The following TUT1 variants were observed in gnomAD, a reference collection of about 807,000 sequenced individuals.
The protein encoded by TUT1 is terminal uridylyl transferase 1, U6 snRNA-specific.
Under a neutral mutation model 48.8 loss-of-function variants are expected in TUT1, and 26 were observed. The observed-to-expected ratio is 0.53, with a 90% CI of 0.39 to 0.74. The LOEUF is 0.74. Ranked by LOEUF, TUT1 falls within the 30% of genes least tolerant of loss-of-function variation. The pLI, the probability that TUT1 is intolerant of heterozygous loss-of-function variation, is 0.00. For synonymous variants in TUT1, 470 were observed against 460.8 expected (o/e 1.02, Z -0.26); for missense variants, 1,065 against 1,114.8 (o/e 0.96, Z 0.64).
chr11:62,576,119 G>C lies in TUT1; in HGVS notation c.1600C>G (p.Leu534Val). ...GGLPSNLWEGLRLGPLNLQDP... is the reference protein window; with the variant it reads ...GGLPSNLWEGVRLGPLNLQDP... Reference sequence around the variant, plus strand: ...TGGAGATTCAGGGGGCCAAGGCGCAGACCCTCCCAGAGATTAGAAGGCAGG... The same window carrying C: ...TGGAGATTCAGGGGGCCAAGGCGCACACCCTCCCAGAGATTAGAAGGCAGG... The change falls in exon 9 of 9, where the codon CTG (leucine) becomes GTG (valine). Residue 534 changes from leucine (L) to valine (V), a missense_variant. Coordinates refer to ENST00000476907, the MANE Select transcript of TUT1 (RefSeq NM_022830.3). 5 of 1,614,026 alleles carry C rather than the reference G, an allele frequency of 3.1e-6. No homozygotes were observed. The highest frequency in any genetic ancestry group is 1.3e-5 in the African/African-American group (1 of 75,066).
intron 2 of TUT1, among the ~76,000 whole-genome samples, chr11:62,587,425 C>G (rs1941938943): frequency 6.6e-6 from 1 of 152,190 alleles, no homozygotes; most frequent in Admixed American, 6.5e-5. Flanking sequence ...ACATGATCCA[C>G]CCGCCCCAGC....
intron 1 of TUT1, 121 bp downstream of exon 1, chr11:62,591,283 G>A: frequency 2.1e-6 from 3 of 1,403,796 alleles, no homozygotes; most frequent in African/African-American, 2.9e-5. Flanking sequence ...AAAAACGGAG[G>A]TGAGAGACCC....
Position 62,577,248 on chromosome 11 carries a change from G to C in TUT1, c.1204C>G (p.Leu402Val). The change falls in exon 6 of 9, where the codon CTG becomes GTG. Residue 402 changes from leucine to valine, a missense_variant. Leu to Val is a conservative substitution (Grantham distance 32, BLOSUM62 1). Coordinates refer to ENST00000476907, the MANE Select transcript of TUT1 (RefSeq NM_022830.3). ...NSRFLSLCSE[L>V]DGRVRPLVYT... ...ACGAGGGGCCGGACTCGACCATCCA[G>C]CTCAGAGCAGAGACTCAGGAAACGG... 1 of 1,612,518 alleles carries C rather than the reference G, an allele frequency of 6.2e-7. No individual in the cohort carries two copies. Among genetic ancestry groups the C allele is most frequent in the Non-Finnish European group, 8.5e-7 (1 of 1,179,558 alleles).
intron 2 of TUT1, among the ~76,000 whole-genome samples, chr11:62,583,771 C>T (rs1292081112): frequency 6.6e-6 from 1 of 152,126 alleles, no homozygotes; most frequent in African/African-American, 2.4e-5. Context: ...TAAAGATAGA[C>T]ATTCAGATGA....
At chr11:62,586,787 GC>G (rs1025635883) in intron 2 of TUT1, among the ~76,000 whole-genome samples, 6 of 151,426 alleles carry the variant, frequency 4.0e-5, no homozygotes, top group Admixed American at 1.3e-4. Context: ...GTGGTGGCAC[GC>G]GCCTGCAGTC....
Position 62,577,280 on chromosome 11 carries a change from T to C in TUT1, c.1172A>G (p.His391Arg). The change falls in exon 6 of 9, where the codon CAT becomes CGT. Residue 391 changes from histidine to arginine, a missense_variant. His to Arg is a conservative substitution (Grantham distance 29, BLOSUM62 0). Transcript: ENST00000476907. ...DVSLSNRLAL[H>R]NSRFLSLCSE... is the part of the protein sequence containing the mutation. Reference sequence around the variant, plus strand: ...GCAGAGACTCAGGAAACGGGAGTTATGCAGGGCCAGCCTGGGACAAAGCAG... The same window carrying C: ...GCAGAGACTCAGGAAACGGGAGTTACGCAGGGCCAGCCTGGGACAAAGCAG... 1 of 1,612,808 alleles carries C rather than the reference T, an allele frequency of 6.2e-7. No individual in the cohort carries two copies. The highest frequency in any genetic ancestry group is 8.5e-7 in the Non-Finnish European group (1 of 1,179,656).
chr11:62,585,884 G>A (rs542551883), intron 2 of TUT1, among the ~76,000 whole-genome samples: 92 of 152,144 alleles, frequency 6.0e-4, no homozygotes, highest in African/African-American at 2.0e-3. Flanking sequence ...CGAGGCAGGC[G>A]GATCACCTGA....
chr11:62,579,402 ATACACTAGAATACCTT>A (rs1439846707), intron 4 of TUT1, among the ~76,000 whole-genome samples: 3 of 152,188 alleles, frequency 2.0e-5, no homozygotes, highest in East Asian at 1.9e-4. Flanking sequence ...TACTGTGGTT[ATACACTAGAATACCTT>A]TACACTAGAA....
chr11:62,589,353 G>A (rs925607891), intron 1 of TUT1, 132 bp from the exon 2 acceptor site: 7 of 749,656 alleles, frequency 9.3e-6, no homozygotes, highest in Non-Finnish European at 1.5e-5. Flanking sequence ...ACAAAGTCCT[G>A]GCTCCTTTCA....
At chr11:62,582,894 C>T (rs1178985507) in intron 2 of TUT1, among the ~76,000 whole-genome samples, 1 of 151,912 alleles carries the variant, frequency 6.6e-6, no homozygotes, top group Non-Finnish European at 1.5e-5. Flanking sequence ...TTTAGGAGGC[C>T]GAGGTGGGTG....
chr11:62,579,031 C>A lies in TUT1; in HGVS notation c.691-1G>T. On this transcript the variant is annotated splice_acceptor_variant, in intron 4 of 8. Coordinates refer to ENST00000476907, the MANE Select transcript of TUT1 (RefSeq NM_022830.3). LOFTEE classifies it high-confidence loss of function. ...GAGATTCTGGAGCCTTTGGGACTGG[C>A]TGTGGACAGAAATGAACTGAGTGAA... The A allele has an allele frequency of 6.6e-7, 1 of 1,508,304 alleles. No individual in the cohort carries two copies. Among genetic ancestry groups the A allele is most frequent in the Non-Finnish European group, 8.9e-7 (1 of 1,129,478 alleles). 93.4% of individuals were successfully genotyped at this position (1,508,304 alleles called of 1,614,324 possible).
In TUT1 at chr11:62,578,739, C is replaced by T. The variant is rs201443323; in HGVS notation, c.982G>A (p.Glu328Lys). The change falls in exon 5 of 9, where the codon GAG (glutamate) becomes AAG (lysine). Residue 328 changes from glutamate (E) to lysine (K), a missense_variant. Coordinates refer to ENST00000476907, the MANE Select transcript of TUT1 (RefSeq NM_022830.3). ...GDLGKASELA[E>K]TPKEEKAEGA... ...TCTGCTTTCTCCTCCTTTGGGGTCT[C>T]TGCTAGTTCCGAGGCCTTCCCCAGG... The T allele has an allele frequency of 5.6e-6, 9 of 1,614,194 alleles. No homozygotes were observed. The highest frequency in any genetic ancestry group is 6.8e-6 in the Non-Finnish European group (8 of 1,180,044).
At chr11:62,582,047 A>C (rs1369162285) in intron 2 of TUT1, among the ~76,000 whole-genome samples, 1 of 151,492 alleles carries the variant, frequency 6.6e-6, no homozygotes. Context: ...CAGCGGGGTG[A>C]TCTCGGCTTA....
rs907432983 is a variant in TUT1, at chr11:62,575,673, C to T, written c.2046G>A (p.Gly682=). 6.2e-7 allele frequency: 1 copy of T among 1,614,072 alleles called. No individual in the cohort carries two copies. Among genetic ancestry groups the T allele is most frequent in the East Asian group, 2.2e-5 (1 of 44,882 alleles). The stretch of plus-strand genomic sequence containing the variant: ...CTTCTACCCTGTCTTCCCCACCGTC[C>T]CCTGCACATCCCTGCTGCTCCTCTT... ...EGKEEQQGCA[G]DGGEDRVEEM... Residue 682 remains glycine (G), a synonymous_variant, in exon 9 of 9, where the codon GGG becomes GGA. Coordinates refer to ENST00000476907, the MANE Select transcript of TUT1 (RefSeq NM_022830.3).
At chr11:62,583,767 T>C (rs772734284) in intron 2 of TUT1, among the ~76,000 whole-genome samples, 45 of 152,110 alleles carry the variant, frequency 3.0e-4, no homozygotes, top group Admixed American at 8.5e-4. Context: ...AGCATAAAGA[T>C]AGACATTCAG....
At chr11:62,590,939 T>A (rs568967307) in intron 1 of TUT1, among the ~76,000 whole-genome samples, 1 of 152,320 alleles carries the variant, frequency 6.6e-6, no homozygotes. Context: ...TAGTCATTCA[T>A]GCCACACCTA....
chr11:62,575,811 T>A lies in TUT1; in HGVS notation c.1908A>T (p.Glu636Asp). Residue 636 changes from glutamate (E) to aspartate (D), a missense_variant, in exon 9 of 9, where the codon GAA becomes GAT. Physicochemically the swap from Glu to Asp is conservative, Grantham distance 45 (BLOSUM62 2). Transcript: ENST00000476907. ...CTGACCGCGTTCTCTTGGTTGCCTG[T>A]TCTATATGGCACCCCAGTGCTTCCC... ...VFREALGCHI[E>D]QATKRTRSEG... 2.5e-6 allele frequency: 4 copies of A among 1,614,126 alleles called. No homozygotes were observed. Among genetic ancestry groups the A allele is most frequent in the Non-Finnish European group, 3.4e-6 (4 of 1,180,004 alleles).
chr11:62,584,997 TA>T (rs1941887020), intron 2 of TUT1, among the ~76,000 whole-genome samples: 1 of 151,594 alleles, frequency 6.6e-6, no homozygotes, highest in Admixed American at 6.6e-5. Flanking sequence ...AATTTTTTTG[TA>T]TTTTTAGTAG....
In TUT1 at chr11:62,578,834, G is replaced by C. The variant is rs1941776041; in HGVS notation, c.887C>G (p.Ser296Cys). ...AGACTGGGGAGAAGCAAGGGTCTCG[G>C]AGGCCAAGGCAGAGTCCGGAGTTTG... ...APQTPDSALA[S>C]ETLASPQSLP... Residue 296 changes from serine (S) to cysteine (C), a missense_variant, in exon 5 of 9, where the codon TCC becomes TGC. Coordinates refer to ENST00000476907, the MANE Select transcript of TUT1 (RefSeq NM_022830.3). 6.2e-7 allele frequency: 1 copy of C among 1,614,002 alleles called. No individual in the cohort carries two copies.
Sources: gnomAD v4.1 joint callset for allele counts (sites outside exome capture counted in the v4.1 genomes callset) on GRCh38, gnomAD v4.1.1 for gene constraint, MANE v1.5 for transcripts, NCBI Gene and HGNC (gene_info 2026-07-23, HGNC 2026-07-21) for gene names.